The following TCEA1 variants were observed in gnomAD, a reference collection of about 807,000 sequenced individuals.
The protein encoded by TCEA1 is transcription elongation factor A1.
Under a neutral mutation model 43.8 loss-of-function variants are expected in TCEA1, and 21 were observed. The ratio of observed to expected loss-of-function variants is 0.48; its 90% CI spans 0.34 to 0.69. The LOEUF is 0.69. TCEA1 is among the 30% of genes least tolerant of loss of function. The pLI is 0.01. For synonymous variants in TCEA1, 104 were observed against 117.5 expected (o/e 0.88, Z 0.75); for missense variants, 250 against 365.1 (o/e 0.68, Z 2.57).
In TCEA1 at chr8:54,022,329, C is replaced by A; in HGVS notation, c.-204G>T. On this transcript the variant is annotated 5_prime_UTR_variant, in exon 1 of 10. Coordinates refer to ENST00000521604, the MANE Select transcript of TCEA1 (RefSeq NM_006756.4). ...CCGGCTCCTCCTCCCCAGGCAGCGA[C>A]AATCGAACACCGCGCGCGACGTGCA... The A allele has an allele frequency of 3.2e-6, 2 of 618,588 alleles. No individual in the cohort carries two copies. Among genetic ancestry groups the A allele is most frequent in the South Asian group, 1.9e-5 (1 of 53,968 alleles). 38.3% of individuals were successfully genotyped at this position (618,588 alleles called of 1,614,324 possible).
At chr8:54,000,222 C>T (rs1804213448) in intron 2 of TCEA1, among the ~76,000 whole-genome samples, 172 bp from the exon 3 acceptor site, 2 of 152,170 alleles carry the variant, frequency 1.3e-5, no homozygotes, top group Admixed American at 1.3e-4. Context: ...ATCTTCAGAT[C>T]AAACACTAGA....
intron 1 of TCEA1, among the ~76,000 whole-genome samples, chr8:54,017,790 C>T (rs570397769): frequency 1.3e-4 from 20 of 152,204 alleles, no homozygotes; most frequent in African/African-American, 4.1e-4. Context: ...TGTGGTGGCA[C>T]GCACTTGTAG....
chr8:53,988,268 C>T lies in TCEA1; in HGVS notation c.321-9G>A, dbSNP rs577290931. The T allele has an allele frequency of 8.0e-5, 129 of 1,608,174 alleles. No individual in the cohort carries two copies. The highest frequency in any genetic ancestry group is 5.4e-4 in the East Asian group (24 of 44,758). On this transcript the variant is annotated splice_polypyrimidine_tract_variant and intron_variant, in intron 4 of 9. Transcript: ENST00000521604. ...CATTGCCGCTGGAAGTACTGAAATACGCACAAACACCCCAAAAAGAAATCA... is the reference window on the plus strand; with the variant it reads ...CATTGCCGCTGGAAGTACTGAAATATGCACAAACACCCCAAAAAGAAATCA...
chr8:53,995,294 CAAAAAAAAAAAAA>C (rs925755044), intron 3 of TCEA1, among the ~76,000 whole-genome samples: 2 of 57,932 alleles, frequency 3.5e-5, no homozygotes, highest in Non-Finnish European at 7.6e-5. Flanking sequence ...GACTCTGTCT[CAAAAAAAAAAAAA>C]AAAAAAAAGA....
At chr8:53,992,350 C>G (rs768372746) in intron 4 of TCEA1, among the ~76,000 whole-genome samples, 1 of 151,990 alleles carries the variant, frequency 6.6e-6, no homozygotes, top group African/African-American at 2.4e-5. Context: ...CAGTGGCTCA[C>G]GCCTGTAATC....
intron 8 of TCEA1, among the ~76,000 whole-genome samples, chr8:53,976,746 G>A (rs926446842): frequency 6.6e-6 from 1 of 152,008 alleles, no homozygotes; most frequent in African/African-American, 2.4e-5. Context: ...AATTTTTATT[G>A]TTAAGATATT....
At chr8:53,991,389 T>C (rs540774437) in intron 4 of TCEA1, among the ~76,000 whole-genome samples, 1 of 142,680 alleles carries the variant, frequency 7.0e-6, no homozygotes, top group South Asian at 2.3e-4. Context: ...CAAGACTCCG[T>C]CTCAAAAAAA....
intron 7 of TCEA1, among the ~76,000 whole-genome samples, chr8:53,980,448 A>G (rs1166492602): frequency 1.3e-5 from 2 of 152,244 alleles, no homozygotes; most frequent in African/African-American, 4.8e-5. Flanking sequence ...CTATTTTTCC[A>G]AAAGCATGTG....
At chr8:53,984,953 C>T (rs1803642376) in intron 6 of TCEA1, among the ~76,000 whole-genome samples, 1 of 151,678 alleles carries the variant, frequency 6.6e-6, no homozygotes, top group African/African-American at 2.4e-5. Flanking sequence ...ATGTTAAAAA[C>T]AAGGTACTAT....
At chr8:53,980,438 C>A (rs1803467693) in intron 7 of TCEA1, among the ~76,000 whole-genome samples, 1 of 152,328 alleles carries the variant, frequency 6.6e-6, no homozygotes, top group East Asian at 1.9e-4. Context: ...TCTATTGGCG[C>A]TATTTTTCCA....
At chr8:53,972,415 T>A in intron 8 of TCEA1, 2 of 538,868 alleles carry the variant, frequency 3.7e-6, no homozygotes, top group Non-Finnish European at 3.6e-6. Flanking sequence ...GAAGATGATA[T>A]GGCAGATTTG....
At chr8:53,970,216 T>A (rs1803114265) in intron 9 of TCEA1, 176 bp downstream of exon 9, 1 of 654,118 alleles carries the variant, frequency 1.5e-6, no homozygotes, top group Non-Finnish European at 2.8e-6. Context: ...TACTCTTTAT[T>A]TCTAGTAGGG....
Position 54,005,479 on chromosome 8 carries a change from A to G in TCEA1, c.126+4951T>C, listed in dbSNP as rs567177005. On this transcript the variant is annotated intron_variant, in intron 2 of 9. Coordinates refer to ENST00000521604, the MANE Select transcript of TCEA1 (RefSeq NM_006756.4). ...TCTCAAAATCCAGTGTATCCAAATTATCCTTTATCTCTTCACCCCTCCATT... is the reference window on the plus strand; with the variant it reads ...TCTCAAAATCCAGTGTATCCAAATTGTCCTTTATCTCTTCACCCCTCCATT... 3.3e-5 allele frequency among the ~76,000 whole-genome samples: 5 copies of G among 152,158 alleles called. No homozygotes were observed. The South Asian group carries it at 1.0e-3, about 32-fold the overall frequency.
At chr8:54,014,654 A>C (rs371510047) in intron 1 of TCEA1, among the ~76,000 whole-genome samples, 10 of 152,222 alleles carry the variant, frequency 6.6e-5, no homozygotes, top group African/African-American at 2.4e-4. Flanking sequence ...AAGTGATTTT[A>C]TAAACCATGA....
At chr8:54,013,996 T>C (rs1437416838) in intron 1 of TCEA1, among the ~76,000 whole-genome samples, 2 of 152,226 alleles carry the variant, frequency 1.3e-5, no homozygotes, top group Non-Finnish European at 1.5e-5. Flanking sequence ...CAAGCTCTAC[T>C]GTACTGGGGA....
At chr8:54,000,949 G>A (rs1804237592) in intron 2 of TCEA1, among the ~76,000 whole-genome samples, 2 of 151,824 alleles carry the variant, frequency 1.3e-5, no homozygotes, top group South Asian at 2.1e-4. Flanking sequence ...TAGTAGAGAC[G>A]GACTGCACCA....
rs754537318 is a variant in TCEA1 at position 53,996,903 on chromosome 8, C to CTTT, written c.232+3039_232+3041dup. 3.4e-3 allele frequency among the ~76,000 whole-genome samples: 398 copies of CTTT among 116,596 alleles called. 13 individuals are homozygous for CTTT. The highest frequency in any genetic ancestry group is 0.032 in the East Asian group (101 of 3,124). 76.5% of individuals were successfully genotyped at this position (116,596 alleles called of 152,430 possible). ...AGCTAAGGGGTAAAAAGAAGGTTGT[C>CTTT]TTTTTTTTTTTTTTTAGACAGACTC... is the stretch of plus-strand genomic sequence containing the variant. On this transcript the variant is annotated intron_variant, in intron 3 of 9. Coordinates refer to ENST00000521604, the MANE Select transcript of TCEA1 (RefSeq NM_006756.4).
intron 2 of TCEA1, among the ~76,000 whole-genome samples, chr8:54,004,860 T>C (rs1804389970): frequency 6.6e-6 from 1 of 152,136 alleles, no homozygotes; most frequent in African/African-American, 2.4e-5. Flanking sequence ...TTGTCTTGTC[T>C]GCCACTATAT....
chr8:53,991,363 A>G (rs1014433356), intron 4 of TCEA1, among the ~76,000 whole-genome samples: 1 of 151,770 alleles, frequency 6.6e-6, no homozygotes, highest in Non-Finnish European at 1.5e-5. Flanking sequence ...ACTGCATTCC[A>G]GCCTGGGCAA....
Sources: gnomAD v4.1 joint callset for allele counts (sites outside exome capture counted in the v4.1 genomes callset) on GRCh38, gnomAD v4.1.1 for gene constraint, MANE v1.5 for transcripts, NCBI Gene and HGNC (gene_info 2026-07-23, HGNC 2026-07-21) for gene names.